Variants in PDE8B observed in about 807,000 individuals in gnomAD.
The protein encoded by PDE8B is phosphodiesterase 8B, also known as high affinity cAMP-specific and IBMX-insensitive 3',5'-cyclic phosphodiesterase 8B.
A neutral mutation model predicts 101.3 loss-of-function variants in PDE8B; 26 were observed. The ratio of observed to expected loss-of-function variants is 0.26; its 90% CI spans 0.19 to 0.36. The LOEUF is 0.36. Among genes scored for constraint, PDE8B ranks in the 10% least tolerant of loss-of-function variants. The pLI, the probability that PDE8B is intolerant of heterozygous loss-of-function variation, is 1.00. For missense variants in PDE8B, 810 were observed against 1,163.1 expected, an observed-to-expected ratio of 0.70 and a Z score of 4.42; for synonymous variants, 424 against 429.3, an observed-to-expected ratio of 0.99 and a Z score of 0.15.
chr5:77,344,195 T>TA (rs753560990), intron 6 of PDE8B, among the ~76,000 whole-genome samples: 11 of 152,256 alleles, frequency 7.2e-5, no homozygotes, highest in Non-Finnish European at 1.3e-4. Context: ...AGTTATATCT[T>TA]ATCAAATGTT....
chr5:77,097,685 TTATATATCTATATATATATATCTA>T, the PDE8B span, among the ~76,000 whole-genome samples: 10 of 18,144 alleles, frequency 5.5e-4, 1 homozygote, highest in South Asian at 3.3e-3. Context: ...TGTGGAGATT[TTATATATCTATATATATATATCTA>T]TATATATATA....
intron 21 of PDE8B, 188 bp downstream of exon 21, chr5:77,426,084 G>A: frequency 1.5e-6 from 1 of 651,358 alleles, no homozygotes; most frequent in Non-Finnish European, 2.8e-6. Context: ...AAGCTTGTGT[G>A]CAGAAGACTT....
the PDE8B span, among the ~76,000 whole-genome samples, chr5:77,121,280 G>A: frequency 2.0e-5 from 3 of 152,186 alleles, no homozygotes; most frequent in African/African-American, 7.2e-5. Flanking sequence ...CCCTTGGCAG[G>A]AGGCTCCAGT....
At chr5:77,243,438 A>G (rs1049286160) in intron 1 of PDE8B, among the ~76,000 whole-genome samples, 34 of 152,330 alleles carry the variant, frequency 2.2e-4, no homozygotes, top group African/African-American at 7.0e-4. Context: ...AGTTATGGCA[A>G]CATCACTACA....
At chr5:77,281,802 A>G (rs1315089149) in intron 1 of PDE8B, among the ~76,000 whole-genome samples, 3 of 152,128 alleles carry the variant, frequency 2.0e-5, no homozygotes, top group Non-Finnish European at 4.4e-5. Flanking sequence ...GCCTACCACG[A>G]CAATGCTTGG....
intron 1 of PDE8B, among the ~76,000 whole-genome samples, chr5:77,299,266 GTTTTA>G (rs1467829031): frequency 2.0e-5 from 3 of 150,986 alleles, no homozygotes; most frequent in Admixed American, 2.0e-4. Context: ...TTGTTTGTTT[GTTTTA>G]TTTTATTATT....
chr5:77,360,677 A>T (rs938434061), intron 10 of PDE8B, among the ~76,000 whole-genome samples: 1 of 152,162 alleles, frequency 6.6e-6, no homozygotes, highest in Non-Finnish European at 1.5e-5. Flanking sequence ...GGCTTGGCTA[A>T]TGAGACCCCC....
chr5:77,226,994 C>T (rs907659962), intron 1 of PDE8B, among the ~76,000 whole-genome samples: 29 of 152,248 alleles, frequency 1.9e-4, no homozygotes, highest in African/African-American at 5.5e-4. Flanking sequence ...AAGTCCTATG[C>T]GTTTACACTG....
intron 10 of PDE8B, among the ~76,000 whole-genome samples, chr5:77,371,761 A>C (rs1785118226): frequency 6.6e-6 from 1 of 152,196 alleles, no homozygotes; most frequent in Admixed American, 6.5e-5. Context: ...AATGTCTCTC[A>C]GCAATGTTAA....
chr5:77,217,816 G>A (rs182350989), intron 1 of PDE8B, among the ~76,000 whole-genome samples: 1 of 152,246 alleles, frequency 6.6e-6, no homozygotes, highest in East Asian at 1.9e-4. Context: ...GATTACAGGC[G>A]TGAACCACCA....
intron 1 of PDE8B, among the ~76,000 whole-genome samples, chr5:77,240,085 G>GC (rs527981372): frequency 1.4e-5 from 2 of 146,186 alleles, no homozygotes; most frequent in South Asian, 4.5e-4. Flanking sequence ...TTAAAATGAA[G>GC]CTTTTTTTTT....
intron 1 of PDE8B, among the ~76,000 whole-genome samples, chr5:77,247,596 G>T (rs1287005313): frequency 6.6e-6 from 1 of 151,972 alleles, no homozygotes; most frequent in East Asian, 1.9e-4. Context: ...GCCAGGCCTC[G>T]GGCTGGGGCT....
At chr5:77,232,301 A>G (rs960086209) in intron 1 of PDE8B, among the ~76,000 whole-genome samples, 1 of 152,146 alleles carries the variant, frequency 6.6e-6, no homozygotes, top group African/African-American at 2.4e-5. Flanking sequence ...TTATTTTCCC[A>G]ATATATTAGT....
the PDE8B span, among the ~76,000 whole-genome samples, chr5:77,203,661 A>G: frequency 6.6e-6 from 1 of 152,174 alleles, no homozygotes; most frequent in Non-Finnish European, 1.5e-5. Context: ...AAATCCCTAT[A>G]TAACCTTCAT....
chr5:77,377,032 G>A (rs1219475259), intron 10 of PDE8B, among the ~76,000 whole-genome samples: 3 of 152,144 alleles, frequency 2.0e-5, no homozygotes, highest in African/African-American at 7.2e-5. Flanking sequence ...TGAAATTTCT[G>A]TCCCTGTTTA....
intron 20 of PDE8B, 89 bp downstream of exon 20, chr5:77,422,077 C>CT (rs1796765254): frequency 2.9e-6 from 4 of 1,376,062 alleles, no homozygotes; most frequent in Non-Finnish European, 4.1e-6. Flanking sequence ...AGCTGAGTAA[C>CT]TTTTTACCAA....
chr5:77,136,955 A>C, the PDE8B span, among the ~76,000 whole-genome samples: 1 of 152,188 alleles, frequency 6.6e-6, no homozygotes, highest in African/African-American at 2.4e-5. Context: ...TATTTTTATC[A>C]GTTGCCTCAC....
intron 21 of PDE8B, 82 bp downstream of exon 21, chr5:77,425,978 A>G: frequency 1.5e-6 from 2 of 1,369,794 alleles, no homozygotes; most frequent in Admixed American, 1.7e-5. Flanking sequence ...GGTGAGCCTA[A>G]AGGTAAACAA....
the PDE8B span, among the ~76,000 whole-genome samples, chr5:77,186,683 A>C: frequency 1.3e-5 from 2 of 152,226 alleles, no homozygotes; most frequent in African/African-American, 4.8e-5. Context: ...TGAGTTGCCC[A>C]GTGGCCTTGG....
Sources: allele counts gnomAD v4.1 joint callset (sites outside exome capture counted in the v4.1 genomes callset), GRCh38; gene constraint gnomAD v4.1.1; transcripts MANE v1.5; gene names NCBI Gene and HGNC (gene_info 2026-07-23, HGNC 2026-07-21).